Variants in NRL observed in about 807,000 individuals in gnomAD.
The protein encoded by NRL is neural retina leucine zipper.
NRL carries 16 observed loss-of-function variants against 12.5 expected under a neutral mutation model. The ratio of observed to expected loss-of-function variants is 1.28; its 90% CI spans 0.87 to 1.95. NRL has a LOEUF of 1.95. NRL is among the 30% of genes most tolerant of loss of function. The pLI is 0.00. For synonymous variants in NRL, 142 were observed against 150.9 expected (o/e 0.94, Z 0.43); for missense variants, 314 against 325.8 (o/e 0.96, Z 0.28).
chr14:24,091,754 T>G (rs2036639069), intron 1 of NRL, among the ~76,000 whole-genome samples: 1 of 152,168 alleles, frequency 6.6e-6, no homozygotes, highest in African/African-American at 2.4e-5. Context: ...TGTATGTACT[T>G]GTGGTAAACA....
chr14:24,086,038 G>T (rs2036457269), intron 1 of NRL, among the ~76,000 whole-genome samples: 1 of 152,164 alleles, frequency 6.6e-6, no homozygotes, highest in African/African-American at 2.4e-5. Flanking sequence ...CCAACATGGT[G>T]AAACCCCATC....
In NRL at chr14:24,085,796, A is replaced by C. The variant is rs1165219336; in HGVS notation, c.-27-2921T>G. On this transcript the variant is annotated intron_variant, in intron 1 of 2. Coordinates refer to ENST00000561028, the MANE Select transcript of NRL (RefSeq NM_001354768.3). This position sits in a 1 kb window ranked among gnomAD's most constrained non-coding sequence, Gnocchi z 4.1. ...GTTTCTGAAGTGTGGTCCCCAGAGC[A>C]GCAGCATCCATATCACCTGGGAACT... 1.3e-5 allele frequency among the ~76,000 whole-genome samples: 2 copies of C among 152,250 alleles called. No homozygotes were observed. The highest frequency in any genetic ancestry group is 1.3e-4 in the Admixed American group (2 of 15,288).
chr14:24,105,366 C>CCAGTTTTGGGGCCAGT (rs2037321256), intron 1 of NRL, among the ~76,000 whole-genome samples: 2 of 152,328 alleles, frequency 1.3e-5, no homozygotes, highest in South Asian at 4.1e-4. Flanking sequence ...AGAGATTTTG[C>CCAGTTTTGGGGCCAGT]TTATGGCCAG....
Position 24,079,100 on chromosome 14 carries a change from T to C in NRL, c.*2136A>G, listed in dbSNP as rs1057452308. 6.6e-6 allele frequency among the ~76,000 whole-genome samples: 1 copy of C among 152,186 alleles called. No homozygotes were observed. Among genetic ancestry groups the C allele is most frequent in the South Asian group, 2.1e-4 (1 of 4,830 alleles). Reference sequence around the variant, plus strand: ...CTGCGCCCCACCTAAAGCACTACTCTTAATCACCACAGTGTGCAACTTTGT... The same window carrying C: ...CTGCGCCCCACCTAAAGCACTACTCCTAATCACCACAGTGTGCAACTTTGT... On this transcript the variant is annotated 3_prime_UTR_variant, in exon 3 of 3. Coordinates refer to ENST00000561028, the MANE Select transcript of NRL (RefSeq NM_001354768.3).
chr14:24,086,199 G>A (rs1256649413), intron 1 of NRL, among the ~76,000 whole-genome samples: 3 of 152,098 alleles, frequency 2.0e-5, no homozygotes, highest in Non-Finnish European at 4.4e-5. Context: ...GGGCAACAGA[G>A]AGAGACTCCA....
chr14:24,097,032 C>T, intron 1 of NRL: 1 of 1,613,470 alleles, frequency 6.2e-7, no homozygotes, highest in Non-Finnish European at 8.5e-7. Context: ...CTGTGCCAAC[C>T]AGAGGGCATC....
Position 24,094,761 on chromosome 14 carries a change from C to A in NRL, c.-27-11886G>T, listed in dbSNP as rs1594280151. 5.6e-6 allele frequency: 8 copies of A among 1,439,378 alleles called. No homozygotes were observed. The highest frequency in any genetic ancestry group is 3.1e-5 in the East Asian group (1 of 31,786). 89.2% of individuals were successfully genotyped at this position (1,439,378 alleles called of 1,614,324 possible). ...GGTCTCCGCATATCCTCCTTTCCTT[C>A]CCAGATACCTCCCTCGGACCTCTAA... is the stretch of plus-strand genomic sequence containing the variant. On this transcript the variant is annotated intron_variant, in intron 1 of 2. Transcript: ENST00000561028. The surrounding 1 kb of genome is among the most constrained non-coding windows in gnomAD (Gnocchi z 4.1).
chr14:24,108,671 C>T (rs946866607), intron 1 of NRL, among the ~76,000 whole-genome samples: 1 of 152,162 alleles, frequency 6.6e-6, no homozygotes, highest in African/African-American at 2.4e-5. Flanking sequence ...ATAGCTCCTA[C>T]CCTACACACA....
intron 1 of NRL, among the ~76,000 whole-genome samples, chr14:24,110,804 G>C (rs1214691994): frequency 1.3e-5 from 2 of 152,240 alleles, no homozygotes; most frequent in Admixed American, 6.5e-5. Flanking sequence ...CTGTGAGGAA[G>C]GGAGTTTTGT....
chr14:24,102,595 C>G lies in NRL; in HGVS notation c.-28+12127G>C, dbSNP rs374558828. ...TAAACAACCTGAGCTCTTGGAGATG[C>G]CCTGGCTCCCCTCTCTCTGCTCCTT... is the stretch of plus-strand genomic sequence containing the variant. On this transcript the variant is annotated intron_variant, in intron 1 of 2. Coordinates refer to ENST00000561028, the MANE Select transcript of NRL (RefSeq NM_001354768.3). 2.7e-4 allele frequency: 170 copies of G among 633,572 alleles called. 1 individual carries two copies. In the African/African-American group the frequency reaches 2.9e-3, roughly 11 times the overall value. The allele number at this position is 633,572 out of a possible 1,614,324, so 39.2% of individuals were successfully genotyped here.
intron 1 of NRL, chr14:24,098,631 A>C (rs1482611218): frequency 6.2e-7 from 1 of 1,613,994 alleles, no homozygotes; most frequent in Non-Finnish European, 8.5e-7. Context: ...GGAGATGGTG[A>C]CTTTGTCAAG....
chr14:24,113,435 A>C (rs934774157), intron 1 of NRL, among the ~76,000 whole-genome samples: 1 of 152,194 alleles, frequency 6.6e-6, no homozygotes, highest in Non-Finnish European at 1.5e-5. Context: ...ATCAATCAAT[A>C]AATAAAGATC....
chr14:24,106,626 C>T (rs562336240), intron 1 of NRL, among the ~76,000 whole-genome samples: 28 of 151,658 alleles, frequency 1.8e-4, no homozygotes, highest in Admixed American at 3.3e-4. Context: ...GAAGCTGAGG[C>T]GGGAGAATCA....
At chr14:24,100,380 C>T in intron 1 of NRL, 1 of 1,395,366 alleles carries the variant, frequency 7.2e-7, no homozygotes, top group Non-Finnish European at 9.5e-7. Flanking sequence ...CATGTCCCAA[C>T]TCCACCAGTC....
At chr14:24,105,953 A>G (rs1462783217) in intron 1 of NRL, among the ~76,000 whole-genome samples, 1 of 152,232 alleles carries the variant, frequency 6.6e-6, no homozygotes, top group Non-Finnish European at 1.5e-5. Flanking sequence ...TCTCAAACTT[A>G]AAAGTGCCTT....
At position 24,111,205 on chromosome 14, in the gene NRL, C is replaced by T. The variant is rs527527091; in HGVS notation, c.-28+3517G>A. Among the ~76,000 whole-genome samples, 99 of 152,166 alleles carry T rather than the reference C, an allele frequency of 6.5e-4. 1 individual carries two copies. In the Middle Eastern group the frequency reaches 0.01, roughly 16 times the overall value. On this transcript the variant is annotated intron_variant, in intron 1 of 2. Transcript: ENST00000561028. Reference sequence around the variant, plus strand: ...ATGTTGCCCAGGCTGGCCTTGAACTCCTGGCCACAAATGATCCTCCTCCTC... The same window carrying T: ...ATGTTGCCCAGGCTGGCCTTGAACTTCTGGCCACAAATGATCCTCCTCCTC...
chr14:24,091,911 C>A (rs1308728459), intron 1 of NRL, among the ~76,000 whole-genome samples: 1 of 152,054 alleles, frequency 6.6e-6, no homozygotes, highest in African/African-American at 2.4e-5. Flanking sequence ...AAGCAGGCAT[C>A]TTGGAGGTCA....
Position 24,097,778 on chromosome 14 carries a change from G to A in NRL, c.-27-14903C>T, listed in dbSNP as rs570309598. ...CCAGCTGATTTTTGTATTTTTAGTA[G>A]AGACAGGGTTTCACCATGTTGGCCA... On this transcript the variant is annotated intron_variant, in intron 1 of 2. Coordinates refer to ENST00000561028, the MANE Select transcript of NRL (RefSeq NM_001354768.3). Among the ~76,000 whole-genome samples the A allele has an allele frequency of 2.2e-4, 33 of 152,066 alleles. 1 individual carries two copies. The highest frequency in any genetic ancestry group is 6.7e-4 in the African/African-American group (28 of 41,496).
intron 1 of NRL, chr14:24,097,030 A>C (rs755700790): frequency 3.7e-6 from 6 of 1,613,622 alleles, no homozygotes; most frequent in Non-Finnish European, 3.4e-6. Flanking sequence ...GCCTGTGCCA[A>C]CCAGAGGGCA....
Sources: allele counts gnomAD v4.1 joint callset (sites outside exome capture counted in the v4.1 genomes callset), GRCh38; gene constraint gnomAD v4.1.1; non-coding constraint Gnocchi (gnomAD v3.1); transcripts MANE v1.5; gene names NCBI Gene and HGNC (gene_info 2026-07-23, HGNC 2026-07-21).